Variants in PGAP4 observed in about 807,000 individuals in gnomAD.
The protein encoded by PGAP4 is post-GPI attachment to proteins GalNAc transferase 4, also known as GPI-N-acetylgalactosamine transferase PGAP4.
In PGAP4, 12 loss-of-function variants were observed where a neutral mutation model predicts 28.2. The observed-to-expected ratio is 0.42, with a 90% confidence interval of 0.27 to 0.69. The LOEUF is 0.69. PGAP4 is among the 30% of genes least tolerant of loss of function. PGAP4 has a pLI of 0.22. For missense variants in PGAP4, 425 were observed against 513.5 expected (o/e 0.83, Z 1.67); for synonymous variants, 205 against 211.8 (o/e 0.97, Z 0.28).
intron 2 of PGAP4, among the ~76,000 whole-genome samples, chr9:101,503,179 T>A (rs754014579): frequency 8.6e-5 from 13 of 152,044 alleles, no homozygotes; most frequent in South Asian, 8.3e-4. Context: ...AATGCAGACA[T>A]GAAGCTTGGA....
chr9:101,503,683 G>A (rs1285780796), intron 2 of PGAP4, among the ~76,000 whole-genome samples: 1 of 151,934 alleles, frequency 6.6e-6, no homozygotes, highest in African/African-American at 2.4e-5. Context: ...GGTAAGAGAG[G>A]TGGTAACCTG....
chr9:101,529,099 C>A (rs534346688), intron 2 of PGAP4, among the ~76,000 whole-genome samples: 21 of 151,184 alleles, frequency 1.4e-4, no homozygotes, highest in Admixed American at 2.6e-4. Flanking sequence ...GCATCCATGT[C>A]CCTGCAAATG....
intron 1 of PGAP4, chr9:101,481,316 G>A (rs1826482508): frequency 6.6e-6 from 1 of 152,236 alleles, no homozygotes. Context: ...ATAAGGGTGA[G>A]ACAAGAGGGC....
Position 101,486,449 on chromosome 9 carries a change from TCGGCGCGCC to T in PGAP4, c.-78+491_-78+499del, listed in dbSNP as rs1275951839. Among the ~76,000 whole-genome samples the T allele has an allele frequency of 6.6e-6, 1 of 152,090 alleles. No homozygotes were observed. Among genetic ancestry groups the T allele is most frequent in the African/African-American group, 2.4e-5 (1 of 41,432 alleles). On this transcript the variant is annotated intron_variant, in intron 1 of 1. Coordinates refer to ENST00000374848, the MANE Select transcript of PGAP4 (RefSeq NM_032342.3). The surrounding 1 kb of genome is among the most constrained non-coding windows in gnomAD (Gnocchi z 4.7). ...GAAACCCAACACTGCTGCCGCGCTC[TCGGCGCGCC>T]CGGCGAACCTAAGGTGTGGACGCGC...
intron 2 of PGAP4, among the ~76,000 whole-genome samples, chr9:101,497,798 G>A (rs1307550830): frequency 2.0e-5 from 3 of 151,602 alleles, no homozygotes; most frequent in Admixed American, 6.6e-5. Context: ...AAATAAAAAT[G>A]TTTAAGGGAA....
chr9:101,527,117 C>T (rs952610428), intron 2 of PGAP4, among the ~76,000 whole-genome samples: 4 of 152,278 alleles, frequency 2.6e-5, no homozygotes, highest in Admixed American at 6.5e-5. Flanking sequence ...AAGAGAGAGT[C>T]GGCTGAGTGC....
chr9:101,501,856 G>T, intron 2 of PGAP4: 1 of 477,268 alleles, frequency 2.1e-6, no homozygotes, highest in South Asian at 1.6e-5. Context: ...ATCAAGTTCA[G>T]ATCCTCTGAC....
At chr9:101,508,262 C>T (rs1429119665) in intron 2 of PGAP4, among the ~76,000 whole-genome samples, 3 of 151,850 alleles carry the variant, frequency 2.0e-5, no homozygotes, top group Non-Finnish European at 4.4e-5. Context: ...GCTCAAGAGG[C>T]AGAGCTTTGT....
In PGAP4 at chr9:101,476,017, C is replaced by G. The variant is rs369593197; in HGVS notation, c.1076G>C (p.Gly359Ala). The change falls in exon 2 of 2, where the codon GGC (glycine) becomes GCC (alanine). Residue 359 changes from glycine to alanine, a missense_variant. Gly to Ala is a moderately conservative substitution (Grantham distance 60, BLOSUM62 0). Transcript: ENST00000374848. The surrounding 1 kb of genome is among the most constrained non-coding windows in gnomAD (Gnocchi z 7.0). ...TYLSQVYCHK[G>A]FGKDMALYSL... ...GTACAGTGCCATGTCCTTGCCAAAG[C>G]CCTTGTGGCAGTACACTTGGGACAG... is the stretch of plus-strand genomic sequence containing the variant. 1 of 1,614,068 alleles carries G rather than the reference C, an allele frequency of 6.2e-7. No individual in the cohort carries two copies. Among genetic ancestry groups the G allele is most frequent in the African/African-American group, 1.3e-5 (1 of 74,902 alleles).
At chr9:101,495,668 TA>T (rs990886758) in intron 2 of PGAP4, among the ~76,000 whole-genome samples, 3 of 149,976 alleles carry the variant, frequency 2.0e-5, no homozygotes, top group Non-Finnish European at 4.5e-5. Flanking sequence ...CCAAAAGACT[TA>T]AAAAAATAGA....
At chr9:101,494,038 T>G (rs1321362950) in intron 2 of PGAP4, among the ~76,000 whole-genome samples, 1 of 152,038 alleles carries the variant, frequency 6.6e-6, no homozygotes, top group Admixed American at 6.6e-5. Flanking sequence ...GAATTTTAGA[T>G]TTAAAAACTG....
intron 2 of PGAP4, among the ~76,000 whole-genome samples, chr9:101,493,216 C>T (rs929832390): frequency 1.3e-4 from 20 of 149,542 alleles, no homozygotes; most frequent in South Asian, 8.5e-4. Context: ...ATTGTGCCAC[C>T]GCACTCCAGC....
intron 2 of PGAP4, among the ~76,000 whole-genome samples, chr9:101,530,280 G>T (rs1034014818): frequency 6.6e-6 from 1 of 152,228 alleles, no homozygotes; most frequent in Non-Finnish European, 1.5e-5. Flanking sequence ...GGGTAAAGAG[G>T]CGTGTCGCCT....
At position 101,476,657 on chromosome 9, in the gene PGAP4, C is replaced by T. The variant is rs752656518; in HGVS notation, c.436G>A (p.Val146Met). 8.7e-6 allele frequency: 14 copies of T among 1,614,186 alleles called. No individual in the cohort carries two copies. Among genetic ancestry groups the T allele is most frequent in the Non-Finnish European group, 1.1e-5 (13 of 1,180,044 alleles). Residue 146 changes from valine (V) to methionine (M), a missense_variant, in exon 2 of 2, where the codon GTG becomes ATG. Physicochemically the swap from Val to Met is conservative, Grantham distance 21. Coordinates refer to ENST00000374848, the MANE Select transcript of PGAP4 (RefSeq NM_032342.3). This position sits in a 1 kb window ranked among gnomAD's most constrained non-coding sequence, Gnocchi z 7.0. ...TCAAAATGGCTCACACTACGCTCCA[C>T]GTTGCACAGGAAGAGTTGGTGCCCC... is the stretch of plus-strand genomic sequence containing the variant. Reference protein sequence around the residue: ...CEGHQLFLCNVERSVSHFDAK... With the variant: ...CEGHQLFLCNMERSVSHFDAK...
At chr9:101,521,662 T>C (rs149494045) in intron 2 of PGAP4, among the ~76,000 whole-genome samples, 5,902 of 152,238 alleles carry the variant, frequency 0.039, 160 homozygotes, top group Admixed American at 0.076. Context: ...AGAACTAGCT[T>C]TTTGTTTCAT....
At position 101,476,258 on chromosome 9, in the gene PGAP4, T is replaced by C. The variant is rs1221758789; in HGVS notation, c.835A>G (p.Ile279Val). The C allele has an allele frequency of 1.2e-6, 2 of 1,614,008 alleles. No homozygotes were observed. Among genetic ancestry groups the C allele is most frequent in the South Asian group, 1.1e-5 (1 of 91,050 alleles). The change falls in exon 2 of 2, where the codon ATA becomes GTA. Residue 279 changes from isoleucine to valine, a missense_variant. Physicochemically the swap from Ile to Val is conservative, Grantham distance 29. Transcript: ENST00000374848. The surrounding 1 kb of genome is among the most constrained non-coding windows in gnomAD (Gnocchi z 7.0). ...GGGCGGCTGGCAAACCTCATGTATATCCAGGTTAGTAAGGGCCCCAGCAAC... is the reference window on the plus strand; with the variant it reads ...GGGCGGCTGGCAAACCTCATGTATACCCAGGTTAGTAAGGGCCCCAGCAAC... ...GMLLGPLLTWIYMRFASRPGF... is the reference protein window; with the variant it reads ...GMLLGPLLTWVYMRFASRPGF...
chr9:101,516,602 T>A (rs369288053), intron 2 of PGAP4, among the ~76,000 whole-genome samples: 4 of 152,224 alleles, frequency 2.6e-5, no homozygotes, highest in African/African-American at 9.6e-5. Flanking sequence ...TAAAATATGT[T>A]GATATGACTT....
At chr9:101,513,212 T>C (rs1826912081) in intron 2 of PGAP4, among the ~76,000 whole-genome samples, 1 of 152,150 alleles carries the variant, frequency 6.6e-6, no homozygotes, top group African/African-American at 2.4e-5. Flanking sequence ...TTTTCTTCAT[T>C]GTCCGCAATG....
At chr9:101,521,458 G>A (rs1826988022) in intron 2 of PGAP4, among the ~76,000 whole-genome samples, 2 of 152,002 alleles carry the variant, frequency 1.3e-5, no homozygotes, top group Admixed American at 6.6e-5. Context: ...ATTTTTCCAG[G>A]AATCTACCCA....
Sources: gnomAD v4.1 joint callset for allele counts (sites outside exome capture counted in the v4.1 genomes callset) on GRCh38, gnomAD v4.1.1 for gene constraint, Gnocchi (gnomAD v3.1) non-coding constraint, MANE v1.5 for transcripts, NCBI Gene and HGNC (gene_info 2026-07-23, HGNC 2026-07-21) for gene names.